SOX6: variants seen among roughly 807,000 people sequenced by gnomAD.
The protein encoded by SOX6 is SRY-box transcription factor 6.
Under a neutral mutation model 97.8 loss-of-function variants are expected in SOX6, and 11 were observed. That is an observed-to-expected ratio of 0.11 (90% CI 0.07 to 0.19). The LOEUF is 0.19. Ranked by LOEUF, SOX6 falls within the 10% of genes least tolerant of loss-of-function variation. The pLI is 1.00. For synonymous variants in SOX6, 360 were observed against 371.4 expected (o/e 0.97, Z 0.35); for missense variants, 810 against 1,039.5 (o/e 0.78, Z 3.04).
At chr11:16,676,852 C>A (rs1847888166) in intron 3 of SOX6, among the ~76,000 whole-genome samples, 2 of 151,946 alleles carry the variant, frequency 1.3e-5, no homozygotes, top group African/African-American at 4.8e-5. Context: ...TCCTAAAAGT[C>A]ATTCCGAGAA....
At chr11:16,083,285 C>T (rs1176864888) in intron 9 of SOX6, among the ~76,000 whole-genome samples, 1 of 152,082 alleles carries the variant, frequency 6.6e-6, no homozygotes, top group Non-Finnish European at 1.5e-5. Flanking sequence ...GTGCATACTA[C>T]AGAGTAGGCA....
intron 6 of SOX6, among the ~76,000 whole-genome samples, chr11:16,162,420 T>C (rs1343798637): frequency 1.3e-5 from 2 of 152,158 alleles, no homozygotes; most frequent in Non-Finnish European, 2.9e-5. Context: ...TTCCCAACGT[T>C]GGAGGCAGGG....
intron 12 of SOX6, among the ~76,000 whole-genome samples, chr11:16,021,560 A>T (rs779342782): frequency 9.9e-5 from 15 of 152,142 alleles, no homozygotes; most frequent in Non-Finnish European, 1.9e-4. Context: ...GAGGTATAGG[A>T]CTTACTTTCC....
At chr11:16,065,124 A>T (rs1848062784) in intron 9 of SOX6, among the ~76,000 whole-genome samples, 1 of 152,038 alleles carries the variant, frequency 6.6e-6, no homozygotes, top group Non-Finnish European at 1.5e-5. Flanking sequence ...AAACCTGAAG[A>T]CTCCACAAAA....
At chr11:16,165,262 A>G (rs547476699) in intron 6 of SOX6, among the ~76,000 whole-genome samples, 3 of 152,184 alleles carry the variant, frequency 2.0e-5, no homozygotes, top group Non-Finnish European at 4.4e-5. Flanking sequence ...TTACTAAATT[A>G]AAAATCATTT....
chr11:16,008,313 A>G (rs1409741862), intron 13 of SOX6, among the ~76,000 whole-genome samples: 1 of 152,084 alleles, frequency 6.6e-6, no homozygotes, highest in Non-Finnish European at 1.5e-5. Flanking sequence ...GGCAGACTAT[A>G]TTTCTATGTG....
chr11:16,497,795 C>A (rs1860629166), intron 4 of SOX6, among the ~76,000 whole-genome samples: 1 of 152,164 alleles, frequency 6.6e-6, no homozygotes. Flanking sequence ...TGAACAAAGC[C>A]TCCAAGAAAT....
At chr11:16,390,092 C>A (rs1858125054) in intron 1 of SOX6, among the ~76,000 whole-genome samples, 2 of 150,274 alleles carry the variant, frequency 1.3e-5, no homozygotes, top group Non-Finnish European at 3.0e-5. Flanking sequence ...CTTACTTGGG[C>A]TACTTGAGAT....
intron 1 of SOX6, among the ~76,000 whole-genome samples, chr11:16,471,099 T>C (rs1238530672): frequency 6.6e-6 from 1 of 152,010 alleles, no homozygotes; most frequent in Non-Finnish European, 1.5e-5. Flanking sequence ...TTGTTTTTTT[T>C]TTAACCCATC....
intron 3 of SOX6, among the ~76,000 whole-genome samples, chr11:16,662,329 T>C (rs780538133): frequency 6.6e-6 from 1 of 152,212 alleles, no homozygotes; most frequent in Non-Finnish European, 1.5e-5. Flanking sequence ...ATGTAAACTA[T>C]TTCTCTCCAC....
chr11:16,206,007 A>T (rs1036329809), intron 4 of SOX6, among the ~76,000 whole-genome samples: 5 of 152,090 alleles, frequency 3.3e-5, no homozygotes, highest in Admixed American at 6.6e-5. Flanking sequence ...TTCAATTTTT[A>T]CTATGCCTGT....
At chr11:16,630,423 T>A (rs1330053404) in intron 3 of SOX6, among the ~76,000 whole-genome samples, 1 of 152,216 alleles carries the variant, frequency 6.6e-6, no homozygotes, top group Non-Finnish European at 1.5e-5. Flanking sequence ...GGTATTCACA[T>A]CTATTTTTAT....
Position 16,234,912 on chromosome 11 carries a change from ATC to A in SOX6, c.446-243_446-242del, listed in dbSNP as rs573224702. Among the ~76,000 whole-genome samples the A allele has an allele frequency of 4.6e-3, 703 of 152,084 alleles. 4 individuals carry two copies. Among genetic ancestry groups the A allele is most frequent in the Middle Eastern group, 0.01 (3 of 292 alleles). On this transcript the variant is annotated intron_variant, in intron 3 of 15. Coordinates refer to ENST00000683767, the MANE Select transcript of SOX6 (RefSeq NM_001367873.1). Reference sequence around the variant, plus strand: ...AAGAGAAAAAAGATAATGCTCAATAATCTGTTTTAGTATTATAATTCTATTAA... The same window carrying A: ...AAGAGAAAAAAGATAATGCTCAATAATGTTTTAGTATTATAATTCTATTAA...
intron 1 of SOX6, among the ~76,000 whole-genome samples, chr11:16,343,745 C>T (rs942746186): frequency 2.6e-5 from 4 of 151,814 alleles, no homozygotes; most frequent in African/African-American, 9.7e-5. Flanking sequence ...ACGCTGAATA[C>T]AATTAGTGAG....
chr11:16,593,654 T>G (rs1206365196), intron 4 of SOX6, among the ~76,000 whole-genome samples: 1 of 152,198 alleles, frequency 6.6e-6, no homozygotes, highest in Non-Finnish European at 1.5e-5. Flanking sequence ...AATCAGACTT[T>G]CATAGAAAAA....
intron 3 of SOX6, among the ~76,000 whole-genome samples, chr11:16,641,597 G>T (rs1248236017): frequency 6.6e-6 from 1 of 152,132 alleles, no homozygotes; most frequent in Non-Finnish European, 1.5e-5. Flanking sequence ...CTCCTGTATT[G>T]GGTGCATATA....
chr11:16,344,123 C>A, intron 1 of SOX6, among the ~76,000 whole-genome samples: 1 of 151,858 alleles, frequency 6.6e-6, no homozygotes, highest in East Asian at 1.9e-4. Context: ...TATTATAGTT[C>A]TCAAATGCAT....
chr11:16,069,592 C>T (rs1442904551), intron 9 of SOX6, among the ~76,000 whole-genome samples: 2 of 152,104 alleles, frequency 1.3e-5, no homozygotes, highest in Non-Finnish European at 2.9e-5. Flanking sequence ...TTTTAAACTG[C>T]AACCTTAGTA....
chr11:16,696,462 C>A (rs1362939541), intron 3 of SOX6, among the ~76,000 whole-genome samples: 2 of 152,052 alleles, frequency 1.3e-5, no homozygotes, highest in African/African-American at 4.8e-5. Flanking sequence ...TATAGGCATA[C>A]CTTCAGAGAT....
Sources: gnomAD v4.1 joint callset for allele counts (sites outside exome capture counted in the v4.1 genomes callset) on GRCh38, gnomAD v4.1.1 for gene constraint, MANE v1.5 for transcripts, NCBI Gene and HGNC (gene_info 2026-07-23, HGNC 2026-07-21) for gene names.